Variants in DGCR8 observed in about 807,000 individuals in gnomAD.
The protein encoded by DGCR8 is DGCR8 microprocessor complex subunit, also known as microprocessor complex subunit DGCR8.
Under a neutral mutation model 78.5 loss-of-function variants are expected in DGCR8, and 14 were observed. The ratio of observed to expected loss-of-function variants is 0.18; its 90% CI spans 0.12 to 0.28. DGCR8 has a LOEUF of 0.28. Ranked by LOEUF, DGCR8 falls within the 10% of genes least tolerant of loss-of-function variation. DGCR8 has a pLI of 1.00. For missense variants in DGCR8, 702 were observed against 1,022.5 expected (o/e 0.69, Z 4.28); for synonymous variants, 399 against 402.4 (o/e 0.99, Z 0.10).
intron 5 of DGCR8, among the ~76,000 whole-genome samples, chr22:20,090,784 C>G (rs1471378680): frequency 6.6e-6 from 1 of 152,232 alleles, no homozygotes; most frequent in African/African-American, 2.4e-5. Context: ...TCTTAGTTCT[C>G]TCTTCAGGTG....
At chr22:20,082,095 C>T (rs1439362876) in intron 1 of DGCR8, among the ~76,000 whole-genome samples, 18 of 147,930 alleles carry the variant, frequency 1.2e-4, no homozygotes, top group African/African-American at 3.2e-4. Context: ...CTCGCTCTGT[C>T]GCCCAGACTG....
At chr22:20,095,723 C>T (rs1181675731) in intron 9 of DGCR8, among the ~76,000 whole-genome samples, 2 of 152,098 alleles carry the variant, frequency 1.3e-5, no homozygotes, top group Non-Finnish European at 2.9e-5. Context: ...ATTTATTGTG[C>T]ACTTTTTATT....
At chr22:20,094,555 C>T (rs1449433766) in intron 8 of DGCR8, among the ~76,000 whole-genome samples, 158 bp from the exon 9 acceptor site, 1 of 152,242 alleles carries the variant, frequency 6.6e-6, no homozygotes, top group East Asian at 1.9e-4. Flanking sequence ...TTCCTTCTGT[C>T]CTCTCCTGAC....
At chr22:20,109,931 G>A in intron 13 of DGCR8, 94 bp from the exon 14 acceptor site, 1 of 1,259,486 alleles carries the variant, frequency 7.9e-7, no homozygotes, top group Non-Finnish European at 1.1e-6. Context: ...GGGCCTCCTG[G>A]CATGATCTGC....
At chr22:20,110,003 C>T (rs1217400105) in intron 13 of DGCR8, 22 bp from the exon 14 acceptor site, 1 of 1,613,132 alleles carries the variant, frequency 6.2e-7, no homozygotes, top group South Asian at 1.1e-5. Context: ...ACTGGTACCC[C>T]TGACCTTTGT....
intron 13 of DGCR8, 72 bp downstream of exon 13, chr22:20,109,075 C>A (rs1602499305): frequency 1.3e-6 from 1 of 799,448 alleles, no homozygotes. Context: ...GGACAGCAGA[C>A]CCCAGGACCC....
chr22:20,101,120 C>CA, intron 9 of DGCR8: 1 of 884,858 alleles, frequency 1.1e-6, no homozygotes, highest in Non-Finnish European at 1.4e-6. Flanking sequence ...CGTTTTGAAT[C>CA]ACAAAAGACA....
intron 9 of DGCR8, chr22:20,096,418 G>A: frequency 1.0e-6 from 1 of 985,024 alleles, no homozygotes; most frequent in Non-Finnish European, 1.2e-6. Context: ...GGTCAGCCAT[G>A]TGAAGAACCA....
At chr22:20,102,682 C>CTG (rs2049717632) in intron 9 of DGCR8, among the ~76,000 whole-genome samples, 1 of 152,222 alleles carries the variant, frequency 6.6e-6, no homozygotes, top group African/African-American at 2.4e-5. Context: ...GTCTTTCGAG[C>CTG]TGTGTGTCCT....
intron 9 of DGCR8, chr22:20,096,588 TC>T: frequency 5.1e-6 from 3 of 586,884 alleles, no homozygotes; most frequent in Non-Finnish European, 6.4e-6. Context: ...TTTTATATAT[TC>T]AGAGTTGTAT....
chr22:20,091,522 G>T lies in DGCR8; in HGVS notation c.1394G>T (p.Arg465Leu). The change falls in exon 6 of 14, where the codon CGG (arginine) becomes CTG (leucine). Residue 465 changes from arginine (R) to leucine (L), a missense_variant. By Grantham distance (102) the Arg-to-Leu change is moderately radical (BLOSUM62 -2). Around this residue, in one of 4 missense-constraint regions of DGCR8, gnomAD observed 225 missense variants for 427.7 expected, o/e 0.53. Transcript: ENST00000351989. ...AAATTCAGGACTTGGGCTGAGCGGC[G>T]GCAATTCAATCGGGAAATGAAGCGG... Reference protein sequence around the residue: ...VKKFRTWAERRQFNREMKRKQ... With the variant: ...VKKFRTWAERLQFNREMKRKQ... 6.2e-7 allele frequency: 1 copy of T among 1,614,212 alleles called. No homozygotes were observed. Among genetic ancestry groups the T allele is most frequent in the Non-Finnish European group, 8.5e-7 (1 of 1,180,050 alleles).
rs111669527 is a variant in DGCR8 at position 20,086,041 on chromosome 22, C to T, written c.78C>T (p.Pro26=). The part of the protein sequence containing the change: ...GEAVMESRAR[P]FQALPREQSP... ...CGGTGATGGAGAGCCGAGCTCGCCC[C>T]TTCCAAGCGCTGCCCCGTGAGCAGT... is the stretch of plus-strand genomic sequence containing the variant. Residue 26 remains proline (P), a synonymous_variant, in exon 2 of 14, where the codon CCC becomes CCT. Transcript: ENST00000351989. This position sits in a 1 kb window ranked among gnomAD's most constrained non-coding sequence, Gnocchi z 6.4. The T allele has an allele frequency of 1.2e-5, 20 of 1,613,980 alleles. No individual in the cohort carries two copies. The African/African-American group carries it at 1.6e-4, about 13-fold the overall frequency.
chr22:20,100,130 G>C (rs756839126), intron 9 of DGCR8, among the ~76,000 whole-genome samples: 1 of 151,944 alleles, frequency 6.6e-6, no homozygotes, highest in African/African-American at 2.4e-5. Flanking sequence ...GCAGTGGTTC[G>C]ATCTCTGCTT....
In DGCR8 at chr22:20,106,264, G is replaced by A; in HGVS notation, c.1876G>A (p.Glu626Lys). ...GTTGTCTCCATATCAGATCCTCCAC[G>A]AGTGCCTTAAAAGGTAGGGTAGGGG... is the stretch of plus-strand genomic sequence containing the variant. ...GLLSPYQILHECLKRNHGMGD... is the reference protein window; with the variant it reads ...GLLSPYQILHKCLKRNHGMGD... Residue 626 changes from glutamate to lysine, a missense_variant, in exon 10 of 14, where the codon GAG becomes AAG. Glu to Lys is a moderately conservative substitution (Grantham distance 56). Around this residue, in one of 4 missense-constraint regions of DGCR8, gnomAD observed 225 missense variants for 427.7 expected, o/e 0.53. Transcript: ENST00000351989. The A allele has an allele frequency of 6.2e-7, 1 of 1,613,570 alleles. No homozygotes were observed. Among genetic ancestry groups the A allele is most frequent in the Non-Finnish European group, 8.5e-7 (1 of 1,179,972 alleles).
intron 7 of DGCR8, 145 bp downstream of exon 7, chr22:20,092,115 G>T (rs2049572426): frequency 1.5e-6 from 1 of 670,386 alleles, no homozygotes; most frequent in Non-Finnish European, 2.5e-6. Flanking sequence ...CTGCAGATGG[G>T]TGGCTTGTTT....
intron 5 of DGCR8, among the ~76,000 whole-genome samples, chr22:20,090,520 G>C (rs958439964): frequency 6.6e-6 from 1 of 152,220 alleles, no homozygotes; most frequent in African/African-American, 2.4e-5. Context: ...GGCACTGGCA[G>C]TGGGCCGTTT....
chr22:20,081,368 G>A (rs748327444), intron 1 of DGCR8, among the ~76,000 whole-genome samples: 4 of 152,248 alleles, frequency 2.6e-5, no homozygotes, highest in Non-Finnish European at 5.9e-5. Flanking sequence ...CCCGTGCCAA[G>A]GGTCCAGGGG....
chr22:20,093,589 C>T (rs962837890), intron 8 of DGCR8, among the ~76,000 whole-genome samples: 2 of 152,164 alleles, frequency 1.3e-5, no homozygotes, highest in Non-Finnish European at 1.5e-5. Flanking sequence ...GGAGGAGAAG[C>T]GGGCCAGCAT....
chr22:20,092,758 CT>C, intron 7 of DGCR8, 50 bp from the exon 8 acceptor site: 1 of 1,524,202 alleles, frequency 6.6e-7, no homozygotes, highest in Non-Finnish European at 9.1e-7. Context: ...TGTGCACACG[CT>C]TTTGATGTCT....
Sources: gnomAD v4.1 joint callset for allele counts (sites outside exome capture counted in the v4.1 genomes callset) on GRCh38, gnomAD v4.1.1 for gene constraint, gnomAD v4.1.1 regional missense constraint, Gnocchi (gnomAD v3.1) non-coding constraint, MANE v1.5 for transcripts, NCBI Gene and HGNC (gene_info 2026-07-23, HGNC 2026-07-21) for gene names.